Variants in SMYD3 observed in about 807,000 individuals in gnomAD.
The protein encoded by SMYD3 is SET and MYND domain containing 3.
A neutral mutation model predicts 57.7 loss-of-function variants in SMYD3; 36 were observed. That is an observed-to-expected ratio of 0.62 (90% CI 0.48 to 0.82). The LOEUF is 0.82. Among genes scored for constraint, SMYD3 ranks in the 40% least tolerant of loss-of-function variants. The probability of loss-of-function intolerance (pLI) is 0.00; values close to 1 mark genes in which losing one functional copy is unlikely to be tolerated. For synonymous variants in SMYD3, 211 were observed against 195.0 expected, an observed-to-expected ratio of 1.08 and a Z score of -0.68; for missense variants, 515 against 538.8, an observed-to-expected ratio of 0.96 and a Z score of 0.44.
At chr1:246,140,492 G>A (rs1285671862) in intron 5 of SMYD3, among the ~76,000 whole-genome samples, 1 of 152,196 alleles carries the variant, frequency 6.6e-6, no homozygotes, top group Non-Finnish European at 1.5e-5. Flanking sequence ...AACAGAGAAC[G>A]GAAGTGTCCA....
rs555744000 is a variant in SMYD3, at chr1:245,826,743, G to A, written c.1076+31753C>T. On this transcript the variant is annotated intron_variant, in intron 10 of 11. Coordinates refer to ENST00000490107, the MANE Select transcript of SMYD3 (RefSeq NM_001167740.2). ...GAGGCCTCAGGAAACTTAAGATCACGGCAAAGGTGAAGGCGAAGTGGAAGC... is the reference window on the plus strand; with the variant it reads ...GAGGCCTCAGGAAACTTAAGATCACAGCAAAGGTGAAGGCGAAGTGGAAGC... 1.3e-3 allele frequency among the ~76,000 whole-genome samples: 191 copies of A among 152,232 alleles called. 1 individual carries two copies. The highest frequency in any genetic ancestry group is 2.2e-3 in the Non-Finnish European group (147 of 68,032).
chr1:246,049,290 T>TTTTG (rs374460635), intron 5 of SMYD3, among the ~76,000 whole-genome samples: 125 of 152,054 alleles, frequency 8.2e-4, no homozygotes, highest in Admixed American at 1.8e-3. Context: ...TATGTGTTTT[T>TTTTG]TTTGTTTGTT....
chr1:245,895,865 A>G (rs1336055608), intron 8 of SMYD3, among the ~76,000 whole-genome samples: 2 of 152,148 alleles, frequency 1.3e-5, no homozygotes, highest in African/African-American at 4.8e-5. Context: ...GAAACGAGGG[A>G]AGGCAATTCT....
chr1:245,875,704 T>A (rs1341146529), intron 8 of SMYD3, among the ~76,000 whole-genome samples: 1 of 152,220 alleles, frequency 6.6e-6, no homozygotes, highest in South Asian at 2.1e-4. Context: ...TAGGAAATGA[T>A]TACCTTTTGA....
At chr1:246,228,369 C>A (rs868474123) in intron 5 of SMYD3, among the ~76,000 whole-genome samples, 3 of 152,166 alleles carry the variant, frequency 2.0e-5, no homozygotes, top group African/African-American at 7.2e-5. Flanking sequence ...TCTTACAGGA[C>A]TCTTGGGATT....
intron 1 of SMYD3, among the ~76,000 whole-genome samples, chr1:246,459,956 C>A (rs2067771865): frequency 7.0e-6 from 1 of 143,356 alleles, no homozygotes. Flanking sequence ...AAGAAAGAAG[C>A]AGGGATGAAA....
intron 1 of SMYD3, among the ~76,000 whole-genome samples, chr1:246,445,774 A>C (rs2067543542): frequency 6.6e-6 from 1 of 152,064 alleles, no homozygotes; most frequent in Admixed American, 6.6e-5. Context: ...ATGTGCCTGA[A>C]TGACTTAGAC....
intron 10 of SMYD3, among the ~76,000 whole-genome samples, chr1:245,786,075 GCTT>G (rs906170389): frequency 9.3e-5 from 10 of 107,312 alleles, no homozygotes; most frequent in Non-Finnish European, 1.2e-4. Context: ...TAGAAGTTTT[GCTT>G]TTTTTTTTTT....
At chr1:246,159,816 G>T (rs549312528) in intron 5 of SMYD3, among the ~76,000 whole-genome samples, 1 of 151,988 alleles carries the variant, frequency 6.6e-6, no homozygotes, top group African/African-American at 2.4e-5. Flanking sequence ...GTCCTGGAGT[G>T]GGGGGAGTAC....
At chr1:245,806,804 G>A (rs2048180345) in intron 10 of SMYD3, among the ~76,000 whole-genome samples, 1 of 151,084 alleles carries the variant, frequency 6.6e-6, no homozygotes, top group African/African-American at 2.4e-5. Context: ...CAGCTACTCG[G>A]GAGGCTGAGG....
intron 10 of SMYD3, among the ~76,000 whole-genome samples, chr1:245,795,107 C>T (rs1335871334): frequency 1.3e-5 from 2 of 152,154 alleles, no homozygotes; most frequent in Non-Finnish European, 2.9e-5. Flanking sequence ...ATCCTACCCC[C>T]ACAAGTGCCT....
At chr1:245,904,761 G>A (rs763406911) in intron 8 of SMYD3, among the ~76,000 whole-genome samples, 27 of 152,028 alleles carry the variant, frequency 1.8e-4, no homozygotes, top group Non-Finnish European at 1.3e-4. Context: ...CACCAGCTGG[G>A]ACAGCCGAGA....
At chr1:245,920,343 AC>A (rs2055828360) in intron 7 of SMYD3, among the ~76,000 whole-genome samples, 1 of 149,668 alleles carries the variant, frequency 6.7e-6, no homozygotes, top group Admixed American at 6.6e-5. Flanking sequence ...AAAAAAGATG[AC>A]CAAGTTAAAA....
At chr1:245,766,136 G>A (rs1050424283) in intron 10 of SMYD3, among the ~76,000 whole-genome samples, 4 of 152,034 alleles carry the variant, frequency 2.6e-5, no homozygotes, top group African/African-American at 4.8e-5. Context: ...TGGGCGCGGC[G>A]GCTCACACCT....
intron 5 of SMYD3, among the ~76,000 whole-genome samples, chr1:246,003,217 G>A (rs2059110093): frequency 6.6e-6 from 1 of 152,204 alleles, no homozygotes. Flanking sequence ...CTATTGTTCT[G>A]TGGGGCTCCA....
At chr1:245,950,095 G>T (rs972847082) in intron 5 of SMYD3, among the ~76,000 whole-genome samples, 2 of 152,140 alleles carry the variant, frequency 1.3e-5, no homozygotes, top group African/African-American at 4.8e-5. Context: ...CATGACAAAA[G>T]CAAGGACATA....
At chr1:245,980,877 T>G (rs537417058) in intron 5 of SMYD3, among the ~76,000 whole-genome samples, 1 of 152,220 alleles carries the variant, frequency 6.6e-6, no homozygotes, top group Non-Finnish European at 1.5e-5. Flanking sequence ...CGGCCACTGT[T>G]TTTGTAAATC....
intron 5 of SMYD3, among the ~76,000 whole-genome samples, chr1:246,046,173 T>C (rs1460573696): frequency 2.6e-5 from 4 of 152,080 alleles, no homozygotes; most frequent in South Asian, 2.1e-4. Flanking sequence ...GACACATGCA[T>C]ACGTATGTTT....
At chr1:246,494,785 C>T (rs1347364185) in intron 1 of SMYD3, among the ~76,000 whole-genome samples, 3 of 152,146 alleles carry the variant, frequency 2.0e-5, no homozygotes, top group African/African-American at 7.2e-5. Flanking sequence ...ATAACCATGC[C>T]AATTAAAAAT....
Sources: allele counts gnomAD v4.1 joint callset (sites outside exome capture counted in the v4.1 genomes callset), GRCh38; gene constraint gnomAD v4.1.1; transcripts MANE v1.5; gene names NCBI Gene and HGNC (gene_info 2026-07-23, HGNC 2026-07-21).